The following RNASEH2A variants were observed in gnomAD, a reference collection of about 807,000 sequenced individuals.
RNASEH2A encodes ribonuclease H2 subunit A.
RNASEH2A carries 30 observed loss-of-function variants against 32.7 expected under a neutral mutation model. That is an observed-to-expected ratio of 0.92 (90% CI 0.69 to 1.25). The LOEUF (loss-of-function observed/expected upper bound fraction) is 1.25, where lower values mean the gene tolerates loss of function less well. Ranked by LOEUF, RNASEH2A falls within the 50% of genes most tolerant of loss-of-function variation. RNASEH2A has a pLI of 0.00. For missense variants in RNASEH2A, 409 were observed against 398.1 expected (o/e 1.03, Z -0.23); for synonymous variants, 147 against 165.4 (o/e 0.89, Z 0.86).
At chr19:12,809,923 A>G in intron 4 of RNASEH2A, 148 bp from the exon 5 acceptor site, 1 of 1,033,346 alleles carries the variant, frequency 9.7e-7, no homozygotes, top group Non-Finnish European at 1.5e-6. Context: ...CTAGGAGGAG[A>G]TGTTCGAGTT....
At chr19:12,812,736 G>A (rs1194716747) in intron 6 of RNASEH2A, among the ~76,000 whole-genome samples, 2 of 151,990 alleles carry the variant, frequency 1.3e-5, no homozygotes, top group African/African-American at 2.4e-5. Flanking sequence ...GCCGGGCGTG[G>A]TGGCTCATGC....
At position 12,806,590 on chromosome 19, in the gene RNASEH2A, C is replaced by T. The variant is rs900570252; in HGVS notation, c.-84C>T. 8.4e-6 allele frequency: 13 copies of T among 1,540,322 alleles called. No homozygotes were observed. The highest frequency in any genetic ancestry group is 4.8e-5 in the South Asian group (4 of 83,606). On this transcript the variant is annotated 5_prime_UTR_variant, in exon 1 of 8. Transcript: ENST00000221486. ...CCGCGGATTGGCCGGAAGCAGGCGCCGCTTCGAGGCCCGCGGAAAACGCGC... is the reference window on the plus strand; with the variant it reads ...CCGCGGATTGGCCGGAAGCAGGCGCTGCTTCGAGGCCCGCGGAAAACGCGC...
Position 12,807,438 on chromosome 19 carries a change from T to A in RNASEH2A, c.343T>A (p.Ser115Thr). The A allele has an allele frequency of 1.2e-6, 2 of 1,614,154 alleles. No homozygotes were observed. Among genetic ancestry groups the A allele is most frequent in the Non-Finnish European group, 1.7e-6 (2 of 1,180,034 alleles). ...MLGRVKYNLN[S>T]LSHDTATGLI... ...CCACAGGGTCAAATACAACCTGAAC[T>A]CCCTGTCACATGATACAGCCACTGG... Residue 115 changes from serine (S) to threonine (T), a missense_variant, in exon 4 of 8, where the codon TCC becomes ACC. Transcript: ENST00000221486.
chr19:12,807,453 A>G lies in RNASEH2A; in HGVS notation c.358A>G (p.Thr120Ala). ...KYNLNSLSHD[T>A]ATGLIQYALD... is the part of the protein sequence containing the mutation. ...CAACCTGAACTCCCTGTCACATGAT[A>G]CAGCCACTGGGCTTATACAGTATGC... Residue 120 changes from threonine to alanine, a missense_variant, in exon 4 of 8, where the codon ACA (threonine) becomes GCA (alanine). Thr to Ala is a moderately conservative substitution (Grantham distance 58). Coordinates refer to ENST00000221486, the MANE Select transcript of RNASEH2A (RefSeq NM_006397.3). The G allele has an allele frequency of 6.2e-7, 1 of 1,614,196 alleles. No individual in the cohort carries two copies. The highest frequency in any genetic ancestry group is 1.1e-5 in the South Asian group (1 of 91,084).
chr19:12,806,596 G>T lies in RNASEH2A; in HGVS notation c.-78G>T. 3 of 1,543,952 alleles carry T rather than the reference G, an allele frequency of 1.9e-6. No individual in the cohort carries two copies. The highest frequency in any genetic ancestry group is 1.2e-5 in the South Asian group (1 of 83,782). On this transcript the variant is annotated 5_prime_UTR_variant, in exon 1 of 8. Transcript: ENST00000221486. Reference sequence around the variant, plus strand: ...ATTGGCCGGAAGCAGGCGCCGCTTCGAGGCCCGCGGAAAACGCGCGCCGAG... The same window carrying T: ...ATTGGCCGGAAGCAGGCGCCGCTTCTAGGCCCGCGGAAAACGCGCGCCGAG...
At position 12,813,123 on chromosome 19, in the gene RNASEH2A, T is replaced by C; in HGVS notation, c.678T>C (p.Pro226=). The change falls in exon 7 of 8, where the codon CCT becomes CCC. Residue 226 remains proline, a synonymous_variant. Coordinates refer to ENST00000221486, the MANE Select transcript of RNASEH2A (RefSeq NM_006397.3). ...CGTGGTTGAAGGAGCACGTGGAGCCTGTGTTCGGCTTCCCCCAGTTTGTCC... is the reference window on the plus strand; with the variant it reads ...CGTGGTTGAAGGAGCACGTGGAGCCCGTGTTCGGCTTCCCCCAGTTTGTCC... ...TKAWLKEHVE[P]VFGFPQFVRF... 1.9e-6 allele frequency: 3 copies of C among 1,614,078 alleles called. No individual in the cohort carries two copies. Among genetic ancestry groups the C allele is most frequent in the Non-Finnish European group, 2.5e-6 (3 of 1,180,014 alleles).
In RNASEH2A at chr19:12,813,483, C is replaced by T; in HGVS notation, c.*17C>T. On this transcript the variant is annotated 3_prime_UTR_variant, in exon 8 of 8. Coordinates refer to ENST00000221486, the MANE Select transcript of RNASEH2A (RefSeq NM_006397.3). ...AGCCTCTAGCAGCTGCCTCTACGCG[C>T]TCTACCTGCTTCCCCAACCCAGACA... is the stretch of plus-strand genomic sequence containing the variant. 1.2e-6 allele frequency: 2 copies of T among 1,611,858 alleles called. No homozygotes were observed. Among genetic ancestry groups the T allele is most frequent in the South Asian group, 1.1e-5 (1 of 91,084 alleles).
intron 4 of RNASEH2A, 108 bp from the exon 5 acceptor site, chr19:12,809,963 G>A (rs1334088503): frequency 1.8e-5 from 25 of 1,396,742 alleles, no homozygotes; most frequent in African/African-American, 2.8e-5. Flanking sequence ...TCCTGGGGAC[G>A]TGCTGGAGAA....
intron 6 of RNASEH2A, among the ~76,000 whole-genome samples, chr19:12,812,618 C>T (rs189781261): frequency 8.3e-4 from 127 of 152,244 alleles, no homozygotes; most frequent in African/African-American, 3.0e-3. Flanking sequence ...CCTGCACTGC[C>T]CTTTTAGCAG....
At position 12,813,116 on chromosome 19, in the gene RNASEH2A, T is replaced by C; in HGVS notation, c.671T>C (p.Val224Ala). ...ACAAAAGCGTGGTTGAAGGAGCACG[T>C]GGAGCCTGTGTTCGGCTTCCCCCAG... ...PKTKAWLKEHVEPVFGFPQFV... is the reference protein window; with the variant it reads ...PKTKAWLKEHAEPVFGFPQFV... Residue 224 changes from valine (V) to alanine (A), a missense_variant, in exon 7 of 8, where the codon GTG (valine) becomes GCG (alanine). Physicochemically the swap from Val to Ala is moderately conservative, Grantham distance 64. Coordinates refer to ENST00000221486, the MANE Select transcript of RNASEH2A (RefSeq NM_006397.3). 3 of 1,614,140 alleles carry C rather than the reference T, an allele frequency of 1.9e-6. No homozygotes were observed. The South Asian group carries it at 3.3e-5, about 18-fold the overall frequency.
chr19:12,807,180 C>T (rs139327109), intron 2 of RNASEH2A, 26 bp from the exon 3 acceptor site: 2 of 1,614,076 alleles, frequency 1.2e-6, no homozygotes, highest in South Asian at 1.1e-5. Flanking sequence ...CCAGCTGTTC[C>T]CCTTCTCTTC....
intron 7 of RNASEH2A, 38 bp from the exon 8 acceptor site, chr19:12,813,290 C>CTG (rs1969100775): frequency 6.2e-7 from 1 of 1,614,084 alleles, no homozygotes. Context: ...GGGTTGCTCC[C>CTG]TGTGTAAGTG....
chr19:12,813,074 C>A lies in RNASEH2A; in HGVS notation c.638-9C>A, dbSNP rs370005103. 6.3e-5 allele frequency: 101 copies of A among 1,614,078 alleles called. 3 individuals carry two copies. The South Asian group carries it at 8.1e-4, about 13-fold the overall frequency. ...ACTTGGACTGTCACCATTGCCCACCCTACCCCAGATCCCAAGACAAAAGCG... is the reference window on the plus strand; with the variant it reads ...ACTTGGACTGTCACCATTGCCCACCATACCCCAGATCCCAAGACAAAAGCG... On this transcript the variant is annotated splice_polypyrimidine_tract_variant and intron_variant, in intron 6 of 7. Coordinates refer to ENST00000221486, the MANE Select transcript of RNASEH2A (RefSeq NM_006397.3).
chr19:12,808,345 A>G (rs1568387139), intron 4 of RNASEH2A, among the ~76,000 whole-genome samples: 1 of 152,200 alleles, frequency 6.6e-6, no homozygotes, highest in Non-Finnish European at 1.5e-5. Context: ...ATTCATTGCT[A>G]CTGTTGATTT....
intron 4 of RNASEH2A, among the ~76,000 whole-genome samples, chr19:12,808,740 C>G (rs138883537): frequency 7.2e-5 from 11 of 152,284 alleles, no homozygotes; most frequent in African/African-American, 2.4e-4. Context: ...CTCGAATGCT[C>G]TCAATGAAAG....
At chr19:12,811,352 G>A (rs910729265) in intron 6 of RNASEH2A, among the ~76,000 whole-genome samples, 3 of 152,078 alleles carry the variant, frequency 2.0e-5, no homozygotes, top group African/African-American at 7.2e-5. Flanking sequence ...GCTCATGCCT[G>A]TAATCCCAGC....
intron 4 of RNASEH2A, among the ~76,000 whole-genome samples, 173 bp from the exon 5 acceptor site, chr19:12,809,898 A>T (rs556132714): frequency 6.6e-6 from 1 of 152,158 alleles, no homozygotes; most frequent in East Asian, 1.9e-4. Context: ...ACAGGCCTGA[A>T]CAACTTTGCC....
In RNASEH2A at chr19:12,810,210, T is replaced by G; in HGVS notation, c.549+2T>G. 1 of 1,614,154 alleles carries G rather than the reference T, an allele frequency of 6.2e-7. No individual in the cohort carries two copies. Among genetic ancestry groups the G allele is most frequent in the Non-Finnish European group, 8.5e-7 (1 of 1,180,038 alleles). ...AGTGCTGCCAGCATCTGTGCCAAGGTCAGTACCCTACTAGCCATGGCTGGC... is the reference window on the plus strand; with the variant it reads ...AGTGCTGCCAGCATCTGTGCCAAGGGCAGTACCCTACTAGCCATGGCTGGC... On this transcript the variant is annotated splice_donor_variant, in intron 5 of 7. Coordinates refer to ENST00000221486, the MANE Select transcript of RNASEH2A (RefSeq NM_006397.3). LOFTEE classifies it high-confidence loss of function.
Position 12,810,055 on chromosome 19 carries a change from T to G in RNASEH2A, c.412-16T>G, listed in dbSNP as rs1969050333. The G allele has an allele frequency of 6.2e-7, 1 of 1,613,938 alleles. No homozygotes were observed. The highest frequency in any genetic ancestry group is 1.1e-5 in the South Asian group (1 of 91,090). On this transcript the variant is annotated splice_polypyrimidine_tract_variant and intron_variant, in intron 4 of 7. Transcript: ENST00000221486. The stretch of plus-strand genomic sequence containing the variant: ...CAGTTGTTTGTTCAATTAATATGTG[T>G]CTGTTGCTGTGGCAGGTATTCGTGG...
Sources: gnomAD v4.1 joint callset for allele counts (sites outside exome capture counted in the v4.1 genomes callset) on GRCh38, gnomAD v4.1.1 for gene constraint, MANE v1.5 for transcripts, NCBI Gene and HGNC (gene_info 2026-07-23, HGNC 2026-07-21) for gene names.